TIAM2: variants seen among roughly 807,000 people sequenced by gnomAD.
The protein encoded by TIAM2 is rho guanine nucleotide exchange factor TIAM2.
In TIAM2, 80 loss-of-function variants were observed where a neutral mutation model predicts 152.9. That is an observed-to-expected ratio of 0.52 (90% CI 0.44 to 0.63). The LOEUF is 0.63. TIAM2 is among the 30% of genes least tolerant of loss of function. The pLI, the probability that TIAM2 is intolerant of heterozygous loss-of-function variation, is 0.00. For synonymous variants in TIAM2, 804 were observed against 838.0 expected (o/e 0.96, Z 0.70); for missense variants, 1,965 against 2,120.1 (o/e 0.93, Z 1.44).
chr6:155,144,693 G>A lies in TIAM2; in HGVS notation c.1718G>A (p.Ser573Asn). 6.2e-7 allele frequency: 1 copy of A among 1,610,898 alleles called. No homozygotes were observed. Among genetic ancestry groups the A allele is most frequent in the Non-Finnish European group, 8.5e-7 (1 of 1,178,920 alleles). Residue 573 changes from serine (S) to asparagine (N), a missense_variant, in exon 6 of 27, where the codon AGC (serine) becomes AAC (asparagine). Ser to Asn is a conservative substitution (Grantham distance 46). Coordinates refer to ENST00000682666, the MANE Select transcript of TIAM2 (RefSeq NM_012454.4). ...APRCALFAED[S>N]IVQSVPEHPK... is the part of the protein sequence containing the mutation. ...CGGTGTGCTCTGTTTGCAGAAGACA[G>A]CATAGTGCAGTCTGTTCCAGAGCAT...
chr6:155,107,288 A>G (rs949812040), intron 2 of TIAM2, among the ~76,000 whole-genome samples: 24 of 152,254 alleles, frequency 1.6e-4, no homozygotes, highest in Non-Finnish European at 3.2e-4. Flanking sequence ...TTTGTCTGAC[A>G]TTATTTTGTA....
intron 7 of TIAM2, among the ~76,000 whole-genome samples, chr6:155,150,361 G>A (rs1311210098): frequency 6.6e-6 from 1 of 152,190 alleles, no homozygotes; most frequent in East Asian, 1.9e-4. Context: ...AATATTATGG[G>A]AGATCAGAGG....
intron 1 of TIAM2, among the ~76,000 whole-genome samples, chr6:155,069,547 T>C (rs7759807): frequency 0.042 from 6,394 of 152,266 alleles, 487 homozygotes; most frequent in African/African-American, 0.15. Context: ...TGGTGAAATA[T>C]AATCATCTGT....
intron 2 of TIAM2, among the ~76,000 whole-genome samples, chr6:155,113,123 T>C (rs935758325): frequency 3.3e-5 from 5 of 152,204 alleles, no homozygotes; most frequent in Non-Finnish European, 7.4e-5. Context: ...CCCTCAAGGC[T>C]GCCTTCACTG....
chr6:155,108,116 A>G (rs1476997340), intron 2 of TIAM2, among the ~76,000 whole-genome samples: 2 of 152,188 alleles, frequency 1.3e-5, no homozygotes, highest in Non-Finnish European at 2.9e-5. Context: ...TGTCACACTT[A>G]GGGATTCTAA....
chr6:155,037,179 A>G (rs1457334481), intron 1 of TIAM2, among the ~76,000 whole-genome samples: 1 of 152,172 alleles, frequency 6.6e-6, no homozygotes, highest in South Asian at 2.1e-4. Context: ...TAAATGTTCA[A>G]TGTAGGTAAA....
chr6:155,028,074 ATG>A (rs1217975103), intron 1 of TIAM2, among the ~76,000 whole-genome samples: 2 of 123,334 alleles, frequency 1.6e-5, no homozygotes, highest in South Asian at 2.6e-4. Flanking sequence ...TATATAATAT[ATG>A]TACTGTGTTA....
intron 1 of TIAM2, among the ~76,000 whole-genome samples, chr6:154,997,693 T>C (rs1583142600): frequency 1.6e-5 from 2 of 128,226 alleles, no homozygotes; most frequent in South Asian, 2.7e-4. Context: ...CAGGCTGGAG[T>C]GCAGTGATAT....
intron 2 of TIAM2, among the ~76,000 whole-genome samples, chr6:155,118,732 G>A (rs9397782): frequency 0.17 from 25,210 of 151,962 alleles, 2,658 homozygotes; most frequent in South Asian, 0.42. Flanking sequence ...ACCGCGCACG[G>A]CCTTCTCTTT....
chr6:155,043,659 G>GAAAAAAA (rs1178145153), intron 1 of TIAM2, among the ~76,000 whole-genome samples: 1 of 139,836 alleles, frequency 7.2e-6, no homozygotes, highest in African/African-American at 2.8e-5. Context: ...AAAAAAAAAG[G>GAAAAAAA]ATCTGTAAGG....
chr6:155,132,028 G>GT (rs1779461370), intron 4 of TIAM2, among the ~76,000 whole-genome samples: 1 of 151,728 alleles, frequency 6.6e-6, no homozygotes, highest in Admixed American at 6.6e-5. Flanking sequence ...GGCATGTAAA[G>GT]TTTTACTGGG....
chr6:155,114,933 TTCTCC>T (rs1365652338), intron 2 of TIAM2, among the ~76,000 whole-genome samples: 4 of 152,088 alleles, frequency 2.6e-5, no homozygotes, highest in African/African-American at 9.7e-5. Context: ...GTTCACGCAA[TTCTCC>T]TGTCTCAGCC....
intron 26 of TIAM2, chr6:155,254,834 C>T (rs1783900978): frequency 1.7e-5 from 7 of 423,752 alleles, no homozygotes; most frequent in Non-Finnish European, 2.6e-5. Context: ...CTAAGATGTG[C>T]ATGGGTCCAG....
chr6:155,161,282 G>T (rs1780261637), intron 7 of TIAM2, among the ~76,000 whole-genome samples: 1 of 152,100 alleles, frequency 6.6e-6, no homozygotes, highest in Non-Finnish European at 1.5e-5. Context: ...TGCTTCCTGT[G>T]CTCAAGTGAT....
Position 155,137,328 on chromosome 6 carries a change from T to C in TIAM2, c.1346T>C (p.Ile449Thr). 1.2e-6 allele frequency: 2 copies of C among 1,614,164 alleles called. No homozygotes were observed. Among genetic ancestry groups the C allele is most frequent in the Non-Finnish European group, 1.7e-6 (2 of 1,180,014 alleles). ...CAGAGAAGTGAATCCACACATGCGA[T>C]TGGCAGCGATCCCCTCCGGCAGAAC... ...LSQRSESTHA[I>T]GSDPLRQNIY... Residue 449 changes from isoleucine to threonine, a missense_variant, in exon 5 of 27, where the codon ATT (isoleucine) becomes ACT (threonine). Physicochemically the swap from Ile to Thr is moderately conservative, Grantham distance 89. Around this residue, in one of 3 missense-constraint regions of TIAM2, gnomAD observed 1,025 missense variants for 1,119.4 expected, o/e 0.92. Transcript: ENST00000682666.
intron 1 of TIAM2, among the ~76,000 whole-genome samples, chr6:155,085,330 C>G (rs562333248): frequency 2.0e-5 from 3 of 152,240 alleles, no homozygotes; most frequent in South Asian, 4.1e-4. Context: ...ATTCTACTTA[C>G]GTAGAGGTGG....
chr6:155,018,097 G>A, intron 1 of TIAM2, among the ~76,000 whole-genome samples: 1 of 151,958 alleles, frequency 6.6e-6, no homozygotes, highest in Non-Finnish European at 1.5e-5. Flanking sequence ...TATGGGCCGG[G>A]CACAGTGGCT....
At chr6:154,998,268 T>C (rs1160588917) in intron 1 of TIAM2, among the ~76,000 whole-genome samples, 1 of 152,234 alleles carries the variant, frequency 6.6e-6, no homozygotes, top group Non-Finnish European at 1.5e-5. Context: ...AGAGCTTTGC[T>C]CGCATAAACA....
intron 17 of TIAM2, among the ~76,000 whole-genome samples, chr6:155,244,411 A>G (rs914899866): frequency 3.3e-4 from 50 of 152,242 alleles, no homozygotes; most frequent in African/African-American, 1.2e-3. Context: ...CTTAATTTGA[A>G]TTCTGAGAAT....
Sources: gnomAD v4.1 joint callset for allele counts (sites outside exome capture counted in the v4.1 genomes callset) on GRCh38, gnomAD v4.1.1 for gene constraint, gnomAD v4.1.1 regional missense constraint, MANE v1.5 for transcripts, NCBI Gene and HGNC (gene_info 2026-07-23, HGNC 2026-07-21) for gene names.